The following ASAP1 variants were observed in gnomAD, a reference collection of about 807,000 sequenced individuals.
ASAP1 encodes the protein arf-GAP with SH3 domain, ANK repeat and PH domain-containing protein 1.
A neutral mutation model predicts 145.2 loss-of-function variants in ASAP1; 43 were observed. That is an observed-to-expected ratio of 0.30 (90% CI 0.23 to 0.38). The LOEUF (loss-of-function observed/expected upper bound fraction) is 0.38. Among genes scored for constraint, ASAP1 ranks in the 10% least tolerant of loss-of-function variants. ASAP1 has a pLI of 1.00. For synonymous variants in ASAP1, 546 were observed against 515.5 expected (o/e 1.06, Z -0.80); for missense variants, 1,018 against 1,355.3 (o/e 0.75, Z 3.91).
At chr8:130,147,672 G>C (rs930663776) in intron 13 of ASAP1, among the ~76,000 whole-genome samples, 2 of 152,176 alleles carry the variant, frequency 1.3e-5, no homozygotes, top group African/African-American at 4.8e-5. Context: ...TTAATAAAAG[G>C]CACATACAAT....
intron 11 of ASAP1, among the ~76,000 whole-genome samples, chr8:130,162,589 C>CG (rs2097671444): frequency 6.6e-6 from 1 of 152,030 alleles, no homozygotes; most frequent in Admixed American, 6.6e-5. Flanking sequence ...GAGGCTGAGG[C>CG]GGGTGGATCA....
At chr8:130,138,406 G>T (rs1299213113) in intron 13 of ASAP1, among the ~76,000 whole-genome samples, 1 of 152,172 alleles carries the variant, frequency 6.6e-6, no homozygotes, top group Admixed American at 6.5e-5. Flanking sequence ...TTTGATTTAG[G>T]AATGGAACCA....
At chr8:130,280,248 T>C (rs1821175147) in intron 3 of ASAP1, among the ~76,000 whole-genome samples, 1 of 152,206 alleles carries the variant, frequency 6.6e-6, no homozygotes, top group Admixed American at 6.5e-5. Context: ...TTACTTCTCA[T>C]ATGGAGTATG....
chr8:130,347,269 A>G (rs1319912120), intron 3 of ASAP1, among the ~76,000 whole-genome samples: 1 of 152,216 alleles, frequency 6.6e-6, no homozygotes, highest in East Asian at 1.9e-4. Context: ...CACATCAGCA[A>G]AGCTAAAACT....
At chr8:130,278,670 A>G (rs1821069738) in intron 3 of ASAP1, among the ~76,000 whole-genome samples, 1 of 152,232 alleles carries the variant, frequency 6.6e-6, no homozygotes. Flanking sequence ...ATTGGACGAA[A>G]AAAACTCTAA....
At chr8:130,228,267 C>T (rs895953456) in intron 4 of ASAP1, among the ~76,000 whole-genome samples, 1 of 152,100 alleles carries the variant, frequency 6.6e-6, no homozygotes, top group Non-Finnish European at 1.5e-5. Context: ...TAGAACACCC[C>T]CCAAAACATG....
intron 10 of ASAP1, among the ~76,000 whole-genome samples, chr8:130,168,737 C>T (rs1024803870): frequency 6.6e-6 from 1 of 152,172 alleles, no homozygotes; most frequent in Non-Finnish European, 1.5e-5. Context: ...CTAACTGAAT[C>T]GTAAATGCAG....
intron 24 of ASAP1, among the ~76,000 whole-genome samples, chr8:130,097,012 G>A (rs1376635349): frequency 6.6e-6 from 1 of 151,532 alleles, no homozygotes; most frequent in East Asian, 1.9e-4. Context: ...TGTAATCCCA[G>A]CTACTTGGGA....
At chr8:130,230,330 A>G (rs945702331) in intron 4 of ASAP1, among the ~76,000 whole-genome samples, 2 of 152,184 alleles carry the variant, frequency 1.3e-5, no homozygotes, top group African/African-American at 4.8e-5. Flanking sequence ...AAGTAAAAGA[A>G]TATGTGAGCC....
chr8:130,333,832 G>T (rs867868395), intron 3 of ASAP1, among the ~76,000 whole-genome samples: 7 of 152,328 alleles, frequency 4.6e-5, no homozygotes, highest in African/African-American at 1.7e-4. Context: ...GCAGCATGCA[G>T]AATGGAACAC....
rs141118648 is a variant in ASAP1, at chr8:130,287,377, T to C, written c.187-50383A>G. On this transcript the variant is annotated intron_variant, in intron 3 of 29. Coordinates refer to ENST00000518721, the MANE Select transcript of ASAP1 (RefSeq NM_018482.4). ...CAAAGGGACAATGCAGTATAGATGA[T>C]GGCACCATGCACTTACTCATCAGTC... 5.3e-4 allele frequency among the ~76,000 whole-genome samples: 80 copies of C among 152,296 alleles called. No homozygotes were observed. The East Asian group carries it at 0.011, about 22-fold the overall frequency.
intron 1 of ASAP1, among the ~76,000 whole-genome samples, chr8:130,432,340 G>A (rs1003362526): frequency 3.9e-5 from 6 of 152,152 alleles, no homozygotes; most frequent in Non-Finnish European, 1.5e-5. Context: ...GGCAGATGGG[G>A]AAGGTAGGGA....
intron 1 of ASAP1, among the ~76,000 whole-genome samples, chr8:130,412,047 G>A (rs576963667): frequency 6.6e-6 from 1 of 152,318 alleles, no homozygotes; most frequent in East Asian, 1.9e-4. Context: ...ATGGGTATCG[G>A]CCACATAGCC....
intron 4 of ASAP1, 56 bp downstream of exon 4, chr8:130,236,866 A>G: frequency 2.4e-6 from 3 of 1,267,324 alleles, no homozygotes; most frequent in South Asian, 1.4e-5. Flanking sequence ...ATAACTAACA[A>G]AACTCTGTAG....
At chr8:130,158,629 CAG>C (rs2097662779) in intron 12 of ASAP1, among the ~76,000 whole-genome samples, 1 of 152,022 alleles carries the variant, frequency 6.6e-6, no homozygotes, top group South Asian at 2.1e-4. Context: ...GTGGCAGGAT[CAG>C]GGGAGAAAAT....
intron 3 of ASAP1, among the ~76,000 whole-genome samples, chr8:130,343,510 C>T (rs925053774): frequency 3.9e-5 from 6 of 152,226 alleles, no homozygotes; most frequent in African/African-American, 7.2e-5. Flanking sequence ...AGCTGTCCCT[C>T]TGTGGAGAAA....
intron 1 of ASAP1, among the ~76,000 whole-genome samples, chr8:130,409,365 T>C (rs1436156031): frequency 6.6e-6 from 1 of 152,176 alleles, no homozygotes. Context: ...GCTAGGTCTT[T>C]CAGTTTCCAT....
intron 3 of ASAP1, among the ~76,000 whole-genome samples, chr8:130,350,994 G>A (rs1323495057): frequency 1.3e-5 from 2 of 152,220 alleles, no homozygotes; most frequent in Non-Finnish European, 2.9e-5. Context: ...CCCAGTCCAA[G>A]GAGGATTGCT....
intron 4 of ASAP1, among the ~76,000 whole-genome samples, chr8:130,235,512 G>C (rs1278613241): frequency 2.0e-5 from 3 of 151,988 alleles, no homozygotes; most frequent in Admixed American, 2.0e-4. Flanking sequence ...CAAACATAAG[G>C]GCCTACCACA....
Sources: allele counts gnomAD v4.1 joint callset (sites outside exome capture counted in the v4.1 genomes callset), GRCh38; gene constraint gnomAD v4.1.1; transcripts MANE v1.5; gene names NCBI Gene and HGNC (gene_info 2026-07-23, HGNC 2026-07-21).